The following ERAP2 variants were observed in gnomAD, a reference collection of about 807,000 sequenced individuals.
ERAP2 encodes endoplasmic reticulum aminopeptidase 2, also known as leukocyte-derived arginine aminopeptidase.
In ERAP2, 118 loss-of-function variants were observed where a neutral mutation model predicts 111.1. That is an observed-to-expected ratio of 1.06 (90% confidence interval 0.92 to 1.24). The LOEUF (loss-of-function observed/expected upper bound fraction) is 1.24. ERAP2 is among the 50% of genes most tolerant of loss of function. The pLI, the probability that ERAP2 is intolerant of heterozygous loss-of-function variation, is 0.00. For synonymous variants in ERAP2, 410 were observed against 401.2 expected, an observed-to-expected ratio of 1.02 and a Z score of -0.26; for missense variants, 1,131 against 1,125.8, an observed-to-expected ratio of 1.00 and a Z score of -0.07.
intron 6 of ERAP2, 85 bp from the exon 7 acceptor site, chr5:96,895,161 A>AG (rs11450033): frequency 1.4e-5 from 11 of 775,018 alleles, no homozygotes; most frequent in Non-Finnish European, 2.3e-5. Flanking sequence ...TAATAAAAAA[A>AG]AAGTTAGTAA....
Position 96,879,939 on chromosome 5 carries a change from A to G in ERAP2, c.254A>G (p.Asn85Ser), listed in dbSNP as rs190219466. The change falls in exon 2 of 19, where the codon AAT becomes AGT. Residue 85 changes from asparagine (N) to serine (S), a missense_variant. Physicochemically the swap from Asn to Ser is conservative, Grantham distance 46 (BLOSUM62 1). This residue lies in a region of ERAP2 where 847 missense variants were observed against 856.5 expected (regional missense o/e 0.99). Coordinates refer to ENST00000437043, the MANE Select transcript of ERAP2 (RefSeq NM_022350.5). ...CATTATGACCTCTTTGTCCACCCCA[A>G]TCTCACCTCTCTGGACTTTGTTGCA... ...PLHYDLFVHP[N>S]LTSLDFVASE... 1.2e-5 allele frequency: 20 copies of G among 1,614,052 alleles called. No individual in the cohort carries two copies. The East Asian group carries it at 1.6e-4, about 13-fold the overall frequency.
At chr5:96,903,021 A>G (rs528858703) in intron 12 of ERAP2, among the ~76,000 whole-genome samples, 1 of 152,304 alleles carries the variant, frequency 6.6e-6, no homozygotes, top group East Asian at 1.9e-4. Context: ...ACATATTTCA[A>G]TGACTAGTGA....
At chr5:96,875,999 C>T (rs1314256901), upstream of ERAP2, 1 of 152,416 alleles carries the variant, frequency 6.6e-6, no homozygotes, top group Non-Finnish European at 1.5e-5. Context: ...ACAGTCCCCT[C>T]GTGCCCAAGG....
chr5:96,887,437 A>G (rs1783873991), intron 4 of ERAP2, among the ~76,000 whole-genome samples: 1 of 151,818 alleles, frequency 6.6e-6, no homozygotes, highest in Non-Finnish European at 1.5e-5. Context: ...AGTAGCTGGG[A>G]CTACAAACAC....
chr5:96,882,611 G>A (rs545968687), intron 2 of ERAP2, among the ~76,000 whole-genome samples: 2 of 152,320 alleles, frequency 1.3e-5, no homozygotes, highest in South Asian at 4.1e-4. Flanking sequence ...AATCGTGTAA[G>A]CAACAAAGAT....
intron 1 of ERAP2, among the ~76,000 whole-genome samples, chr5:96,877,540 A>T (rs1782674044): frequency 6.6e-6 from 1 of 152,254 alleles, no homozygotes; most frequent in Non-Finnish European, 1.5e-5. Flanking sequence ...CAACTTCTTC[A>T]CATGAATTAT....
rs371004093 is a variant in ERAP2, at chr5:96,909,617, G to A, written c.2207G>A (p.Arg736Lys). 62 of 1,614,158 alleles carry A rather than the reference G, an allele frequency of 3.8e-5. No individual in the cohort carries two copies. In the East Asian group the frequency reaches 1.1e-3, roughly 28 times the overall value. ...LLQYFKPVID[R>K]QSWSDKGSVW... is the part of the protein sequence containing the mutation. ...CAGTATTTTAAGCCAGTGATTGACAGGCAAAGCTGGAGTGACAAGGGCTCA... is the reference window on the plus strand; with the variant it reads ...CAGTATTTTAAGCCAGTGATTGACAAGCAAAGCTGGAGTGACAAGGGCTCA... The change falls in exon 15 of 19, where the codon AGG (arginine) becomes AAG (lysine). Residue 736 changes from arginine (R) to lysine (K), a missense_variant. Around this residue, in one of 3 missense-constraint regions of ERAP2, gnomAD observed 5 missense variants for 18.4 expected, o/e 0.27. Coordinates refer to ENST00000437043, the MANE Select transcript of ERAP2 (RefSeq NM_022350.5).
intron 15 of ERAP2, chr5:96,909,978 G>A (rs555777804): frequency 8.7e-6 from 4 of 457,650 alleles, no homozygotes; most frequent in Admixed American, 6.7e-5. Context: ...CCATTATTCC[G>A]GTGCTGGCTG....
At chr5:96,877,418 G>T (rs955239290) in intron 1 of ERAP2, among the ~76,000 whole-genome samples, 11 of 108,688 alleles carry the variant, frequency 1.0e-4, no homozygotes, top group Non-Finnish European at 1.5e-4. Context: ...TGCTACAAGT[G>T]GGGGCGAGCT....
chr5:96,886,611 T>C (rs763309079), intron 3 of ERAP2, 44 bp from the exon 4 acceptor site: 1 of 1,446,510 alleles, frequency 6.9e-7, no homozygotes, highest in Admixed American at 1.9e-5. Context: ...GGTTATGAAA[T>C]ACTCCAGTTT....
intron 10 of ERAP2, 88 bp from the exon 11 acceptor site, chr5:96,901,418 C>T: frequency 7.0e-7 from 1 of 1,425,398 alleles, no homozygotes; most frequent in South Asian, 1.3e-5. Flanking sequence ...AGCCTTGTTT[C>T]TGGCATCCAA....
At chr5:96,876,663 T>A (rs1252350309) in intron 1 of ERAP2, 136 bp downstream of exon 1, 1 of 152,298 alleles carries the variant, frequency 6.6e-6, no homozygotes, top group Non-Finnish European at 1.5e-5. Context: ...CTGGGGTGAA[T>A]TGGGCGCGGC....
Position 96,910,080 on chromosome 5 carries a change from C to A in ERAP2, c.2354+316C>A, listed in dbSNP as rs549480390. On this transcript the variant is annotated intron_variant, in intron 15 of 18. Coordinates refer to ENST00000437043, the MANE Select transcript of ERAP2 (RefSeq NM_022350.5). ...AGGAGTTCAAGACCAGCCTGGCCAACATAGTGAAGCCCTGTCTGCACTAAA... is the reference window on the plus strand; with the variant it reads ...AGGAGTTCAAGACCAGCCTGGCCAAAATAGTGAAGCCCTGTCTGCACTAAA... 131 of 206,718 alleles carry A rather than the reference C, an allele frequency of 6.3e-4. No homozygotes were observed. The South Asian group carries it at 0.012, about 19-fold the overall frequency. The allele number at this position is 206,718 out of a possible 1,614,324, so 12.8% of individuals were successfully genotyped here. A position where few individuals can be genotyped will look rare whatever the true frequency, so the allele number is the denominator to read the frequency against.
At chr5:96,905,963 G>C (rs542282283) in intron 13 of ERAP2, among the ~76,000 whole-genome samples, 83 of 127,470 alleles carry the variant, frequency 6.5e-4, no homozygotes, top group African/African-American at 2.3e-3. Flanking sequence ...TTTTTTTGTA[G>C]AGACAGGGTC....
intron 13 of ERAP2, among the ~76,000 whole-genome samples, chr5:96,908,007 C>T (rs770920042): frequency 3.3e-5 from 5 of 152,092 alleles, no homozygotes; most frequent in African/African-American, 1.2e-4. Flanking sequence ...AGCAAGTCAT[C>T]GTGATTGAGA....
intron 18 of ERAP2, among the ~76,000 whole-genome samples, chr5:96,916,073 T>G (rs987684446): frequency 3.3e-5 from 5 of 151,914 alleles, no homozygotes; most frequent in Admixed American, 6.6e-5. Context: ...ATACAAAAAT[T>G]AGCAGAATGT....
chr5:96,899,861 T>G (rs1012681751), intron 9 of ERAP2, among the ~76,000 whole-genome samples: 2 of 152,196 alleles, frequency 1.3e-5, no homozygotes, highest in African/African-American at 4.8e-5. Flanking sequence ...TGATTCTTCC[T>G]TAGAACGGTT....
intron 2 of ERAP2, among the ~76,000 whole-genome samples, chr5:96,882,910 T>C (rs1197928363): frequency 6.6e-6 from 1 of 152,182 alleles, no homozygotes; most frequent in Non-Finnish European, 1.5e-5. Flanking sequence ...CCTTTTCCAG[T>C]CAAAATCTGC....
At chr5:96,891,437 A>T (rs1047756285) in intron 5 of ERAP2, among the ~76,000 whole-genome samples, 4 of 150,080 alleles carry the variant, frequency 2.7e-5, no homozygotes, top group Non-Finnish European at 4.4e-5. Flanking sequence ...ATACAGGTAC[A>T]TATATATGTA....
Sources: allele counts gnomAD v4.1 joint callset (sites outside exome capture counted in the v4.1 genomes callset), GRCh38; gene constraint gnomAD v4.1.1; regional missense constraint gnomAD v4.1.1; transcripts MANE v1.5; gene names NCBI Gene and HGNC (gene_info 2026-07-23, HGNC 2026-07-21).